Variants in FRMD5 observed in about 807,000 individuals in gnomAD.
FRMD5 encodes FERM domain containing 5.
FRMD5 carries 20 observed loss-of-function variants against 69.0 expected under a neutral mutation model. The observed-to-expected ratio is 0.29, with a 90% CI of 0.20 to 0.42. The LOEUF (loss-of-function observed/expected upper bound fraction) is 0.42. Among genes scored for constraint, FRMD5 ranks in the 10% least tolerant of loss-of-function variants. FRMD5 has a pLI of 1.00. For missense variants in FRMD5, 595 were observed against 708.6 expected (o/e 0.84, Z 1.82); for synonymous variants, 271 against 260.1 (o/e 1.04, Z -0.40).
chr15:44,029,252 A>G (rs1370664378), intron 1 of FRMD5, among the ~76,000 whole-genome samples: 1 of 152,110 alleles, frequency 6.6e-6, no homozygotes, highest in African/African-American at 2.4e-5. Flanking sequence ...TCCTGCCACC[A>G]TATTTAACTT....
At chr15:44,079,287 G>A (rs960682989) in intron 1 of FRMD5, among the ~76,000 whole-genome samples, 1 of 152,116 alleles carries the variant, frequency 6.6e-6, no homozygotes, top group African/African-American at 2.4e-5. Flanking sequence ...TGTTGTCAAG[G>A]ATATGGAGAA....
intron 10 of FRMD5, 117 bp from the exon 11 acceptor site, chr15:43,885,872 A>G (rs2088650957): frequency 7.7e-6 from 6 of 778,952 alleles, no homozygotes; most frequent in African/African-American, 1.7e-5. Flanking sequence ...AAAGCCCTTC[A>G]TAGTCCACAT....
intron 1 of FRMD5, among the ~76,000 whole-genome samples, chr15:44,142,083 A>G (rs954235891): frequency 2.0e-5 from 3 of 152,152 alleles, no homozygotes; most frequent in East Asian, 3.8e-4. Context: ...AAAATCAATA[A>G]TCCTGCCTTC....
chr15:44,033,827 G>T (rs1891791618), intron 1 of FRMD5, among the ~76,000 whole-genome samples: 1 of 152,148 alleles, frequency 6.6e-6, no homozygotes, highest in Non-Finnish European at 1.5e-5. Flanking sequence ...TCTACAACAT[G>T]AGTGAAAACG....
intron 1 of FRMD5, among the ~76,000 whole-genome samples, chr15:44,098,031 C>T (rs752647967): frequency 4.0e-4 from 60 of 150,854 alleles, no homozygotes; most frequent in Non-Finnish European, 6.6e-4. Context: ...TGGCCTGACC[C>T]TGTGTTATGT....
chr15:43,919,508 C>T lies in FRMD5; in HGVS notation c.280G>A (p.Val94Met). Residue 94 changes from valine (V) to methionine (M), a missense_variant, in exon 4 of 14, where the codon GTG (valine) becomes ATG (methionine). Physicochemically the swap from Val to Met is conservative, Grantham distance 21. Coordinates refer to ENST00000417257, the MANE Select transcript of FRMD5 (RefSeq NM_032892.5). ...GCAGGGTCTGCAGGATAAAACTTCA[C>T]ACGGAAGCACATGGTGAATGGAGGC... ...SQPPFTMCFR[V>M]KFYPADPAAL... The T allele has an allele frequency of 6.2e-7, 1 of 1,614,052 alleles. No homozygotes were observed. Among genetic ancestry groups the T allele is most frequent in the Non-Finnish European group, 8.5e-7 (1 of 1,180,032 alleles).
intron 1 of FRMD5, among the ~76,000 whole-genome samples, chr15:43,962,647 T>G (rs1012719076): frequency 6.6e-6 from 1 of 152,172 alleles, no homozygotes; most frequent in Non-Finnish European, 1.5e-5. Flanking sequence ...ACTACCTGAC[T>G]TCAAACTATA....
At chr15:43,905,536 C>G (rs545454201) in intron 6 of FRMD5, among the ~76,000 whole-genome samples, 2 of 152,296 alleles carry the variant, frequency 1.3e-5, no homozygotes, top group South Asian at 4.2e-4. Context: ...CATAGTGAGG[C>G]AGATGCCTTT....
intron 1 of FRMD5, among the ~76,000 whole-genome samples, chr15:44,112,917 C>T (rs537123112): frequency 1.3e-5 from 2 of 152,308 alleles, no homozygotes; most frequent in South Asian, 2.1e-4. Flanking sequence ...TTTTTCCTTT[C>T]ATATTTCTCT....
chr15:44,157,072 C>A (rs879414163), intron 1 of FRMD5, among the ~76,000 whole-genome samples: 4 of 152,054 alleles, frequency 2.6e-5, no homozygotes, highest in Non-Finnish European at 5.9e-5. Context: ...ATAGGTCAAC[C>A]TTCTCAAATA....
intron 1 of FRMD5, among the ~76,000 whole-genome samples, chr15:43,974,801 C>T (rs141812388): frequency 6.6e-6 from 1 of 152,304 alleles, no homozygotes; most frequent in African/African-American, 2.4e-5. Flanking sequence ...AAATCAAAGG[C>T]TTCCTTTTTA....
At chr15:44,037,430 T>TAATG (rs1304602345) in intron 1 of FRMD5, among the ~76,000 whole-genome samples, 2 of 152,102 alleles carry the variant, frequency 1.3e-5, no homozygotes, top group Non-Finnish European at 2.9e-5. Context: ...CTATGGTGAA[T>TAATG]AATGCCTCAA....
chr15:43,873,325 A>AAAG lies in FRMD5; in HGVS notation c.*557_*559dup, dbSNP rs2088215316. 1.5e-5 allele frequency: 22 copies of AAAG among 1,501,750 alleles called. No homozygotes were observed. The highest frequency in any genetic ancestry group is 1.8e-5 in the Non-Finnish European group (20 of 1,130,912). The allele number at this position is 1,501,750 out of a possible 1,614,324, so 93.0% of individuals were successfully genotyped here. On this transcript the variant is annotated 3_prime_UTR_variant, in exon 14 of 14. Coordinates refer to ENST00000417257, the MANE Select transcript of FRMD5 (RefSeq NM_032892.5). ...TTCTACATGGATGTTTACTTTTTTA[A>AAAG]AAGTTCTGGCTGGCAAAAAAAACAA... is the stretch of plus-strand genomic sequence containing the variant.
intron 1 of FRMD5, among the ~76,000 whole-genome samples, chr15:44,125,839 T>C (rs973577169): frequency 6.6e-6 from 1 of 152,208 alleles, no homozygotes; most frequent in Non-Finnish European, 1.5e-5. Flanking sequence ...TTTACTGTCA[T>C]GTAGAATTGA....
At chr15:44,004,680 C>T (rs1890359029) in intron 1 of FRMD5, among the ~76,000 whole-genome samples, 1 of 152,188 alleles carries the variant, frequency 6.6e-6, no homozygotes, top group Non-Finnish European at 1.5e-5. Flanking sequence ...TTGGGCCTCC[C>T]TATACCCTGA....
rs201528357 is a variant in FRMD5 at position 43,884,703 on chromosome 15, G to T, written c.1028+24C>A. ...TCTGGGATCTGAGCTACAACTGTTT[G>T]GGGGGAAGCCCCTGGCAGCCTACCT... On this transcript the variant is annotated intron_variant, in intron 12 of 13. Transcript: ENST00000417257. The T allele has an allele frequency of 3.4e-5, 54 of 1,604,496 alleles. No individual in the cohort carries two copies. In the South Asian group the frequency reaches 5.2e-4, roughly 15 times the overall value.
chr15:44,055,893 A>G (rs1892850341), intron 1 of FRMD5, among the ~76,000 whole-genome samples: 1 of 152,216 alleles, frequency 6.6e-6, no homozygotes, highest in Non-Finnish European at 1.5e-5. Flanking sequence ...TATAAATGTC[A>G]TGATTATACA....
At chr15:44,099,091 A>ATCACCT (rs764507200) in intron 1 of FRMD5, among the ~76,000 whole-genome samples, 1 of 152,200 alleles carries the variant, frequency 6.6e-6, no homozygotes, top group African/African-American at 2.4e-5. Flanking sequence ...ATGGAAGCCA[A>ATCACCT]TCACCTTCAC....
intron 1 of FRMD5, among the ~76,000 whole-genome samples, chr15:44,190,916 T>C (rs2696076): frequency 0.12 from 18,515 of 152,198 alleles, 2,733 homozygotes; most frequent in African/African-American, 0.35. Flanking sequence ...AACTCTAGAG[T>C]GCCTGGCAAG....
Sources: allele counts gnomAD v4.1 joint callset (sites outside exome capture counted in the v4.1 genomes callset), GRCh38; gene constraint gnomAD v4.1.1; transcripts MANE v1.5; gene names NCBI Gene and HGNC (gene_info 2026-07-23, HGNC 2026-07-21).